RANBP2: variants seen among roughly 807,000 people sequenced by gnomAD.
RANBP2 encodes the protein E3 SUMO-protein ligase RanBP2.
RANBP2 carries 57 observed loss-of-function variants against 303.6 expected under a neutral mutation model. The ratio of observed to expected loss-of-function variants is 0.19; its 90% CI spans 0.15 to 0.23. The LOEUF is 0.23. Among genes scored for constraint, RANBP2 ranks in the 10% least tolerant of loss-of-function variants. The pLI is 1.00. For missense variants in RANBP2, 3,138 were observed against 3,780.8 expected (o/e 0.83, Z 4.46); for synonymous variants, 1,167 against 1,301.5 (o/e 0.90, Z 2.23).
At chr2:109,223,123 G>A in the RANBP2 span, among the ~76,000 whole-genome samples, 1 of 152,266 alleles carries the variant, frequency 6.6e-6, no homozygotes, top group Non-Finnish European at 1.5e-5. Flanking sequence ...GGTGGTTGGA[G>A]AGAGGTGGGA....
the RANBP2 span, among the ~76,000 whole-genome samples, chr2:109,493,457 C>T: frequency 6.6e-6 from 1 of 151,394 alleles, no homozygotes; most frequent in African/African-American, 2.4e-5. Context: ...ACACACTCCA[C>T]ATACACTATA....
chr2:109,221,903 C>T, the RANBP2 span, among the ~76,000 whole-genome samples: 2 of 152,104 alleles, frequency 1.3e-5, no homozygotes, highest in Non-Finnish European at 2.9e-5. Flanking sequence ...GATACCTGCA[C>T]CCCTGCATTT....
At chr2:109,163,556 G>A in the RANBP2 span, among the ~76,000 whole-genome samples, 278 of 150,954 alleles carry the variant, frequency 1.8e-3, no homozygotes, top group Non-Finnish European at 3.1e-3. Context: ...CCGCCACTAC[G>A]CCCGGCTAAT....
chr2:108,778,570 T>C (rs1347909426), intron 25 of RANBP2, among the ~76,000 whole-genome samples: 1 of 152,214 alleles, frequency 6.6e-6, no homozygotes, highest in South Asian at 2.1e-4. Flanking sequence ...GACCCAGATA[T>C]TGATATATTA....
At chr2:109,117,607 C>T in the RANBP2 span, among the ~76,000 whole-genome samples, 1 of 152,220 alleles carries the variant, frequency 6.6e-6, no homozygotes, top group Admixed American at 6.5e-5. Context: ...AATGCCTCGC[C>T]CTGCTTCAGC....
the RANBP2 span, among the ~76,000 whole-genome samples, chr2:109,086,625 T>TCAGCAGGTCCAGGCCCAGAC: frequency 6.6e-6 from 1 of 152,112 alleles, no homozygotes; most frequent in African/African-American, 2.4e-5. Context: ...GCAGGCTCTG[T>TCAGCAGGTCCAGGCCCAGAC]CTCAGCAGGT....
chr2:108,846,668 C>G, the RANBP2 span: 1 of 1,368,170 alleles, frequency 7.3e-7, no homozygotes, highest in Non-Finnish European at 1.0e-6. Flanking sequence ...CAGAGCAAGA[C>G]TGTGTCTCAA....
the RANBP2 span, among the ~76,000 whole-genome samples, chr2:109,646,634 G>T: frequency 1.3e-5 from 2 of 151,530 alleles, no homozygotes; most frequent in Admixed American, 1.3e-4. Context: ...TGGGATTACA[G>T]GCGACTGCCA....
chr2:109,524,474 A>AAAAG, the RANBP2 span, among the ~76,000 whole-genome samples: 1 of 142,000 alleles, frequency 7.0e-6, no homozygotes, highest in African/African-American at 2.7e-5. Context: ...AAACAAAACA[A>AAAAG]CACTGGGCGC....
chr2:108,782,261 T>G lies in RANBP2; in HGVS notation c.8894T>G (p.Met2965Arg). The G allele has an allele frequency of 6.2e-7, 1 of 1,614,124 alleles. No individual in the cohort carries two copies. The highest frequency in any genetic ancestry group is 2.2e-5 in the East Asian group (1 of 44,872). Residue 2965 changes from methionine (M) to arginine (R), a missense_variant, in exon 27 of 29, where the codon ATG becomes AGG. By Grantham distance (91) the Met-to-Arg change is moderately conservative. Around this residue, in one of 20 missense-constraint regions of RANBP2, gnomAD observed 68 missense variants for 117.4 expected, o/e 0.58. Coordinates refer to ENST00000283195, the MANE Select transcript of RANBP2 (RefSeq NM_006267.5). ...VGDIKILWHT[M>R]KNYYRILMRR... is the part of the protein sequence containing the mutation. ...GATATAAAGATTCTTTGGCATACAATGAAGAATTATTACCGGATCCTAATG... is the reference window on the plus strand; with the variant it reads ...GATATAAAGATTCTTTGGCATACAAGGAAGAATTATTACCGGATCCTAATG...
the RANBP2 span, among the ~76,000 whole-genome samples, chr2:109,606,222 C>T: frequency 2.6e-5 from 4 of 152,132 alleles, no homozygotes; most frequent in African/African-American, 9.7e-5. Context: ...TGAGACCACC[C>T]TGGCCAACAT....
At chr2:108,763,204 A>G (rs560404779) in intron 19 of RANBP2, 33 bp from the exon 20 acceptor site, 4 of 1,600,522 alleles carry the variant, frequency 2.5e-6, no homozygotes, top group African/African-American at 1.3e-5. Context: ...TTTGTAGACA[A>G]TCTACAAAAT....
chr2:109,577,522 G>A, the RANBP2 span, among the ~76,000 whole-genome samples: 3 of 151,972 alleles, frequency 2.0e-5, no homozygotes, highest in East Asian at 1.9e-4. Flanking sequence ...AGTGCAGGAG[G>A]TGGAGGTTGC....
chr2:109,387,877 C>T, the RANBP2 span, among the ~76,000 whole-genome samples: 1 of 152,130 alleles, frequency 6.6e-6, no homozygotes, highest in Non-Finnish European at 1.5e-5. Flanking sequence ...GGTCTCCTCC[C>T]CCGGCCCATC....
the RANBP2 span, among the ~76,000 whole-genome samples, chr2:109,216,765 T>G: frequency 2.0e-5 from 3 of 152,250 alleles, no homozygotes; most frequent in Non-Finnish European, 4.4e-5. Context: ...ACAAATATAT[T>G]TTTTTAAATT....
chr2:109,190,266 C>T, the RANBP2 span, among the ~76,000 whole-genome samples: 6 of 152,048 alleles, frequency 3.9e-5, no homozygotes, highest in East Asian at 3.9e-4. Context: ...CTCCGCCTCG[C>T]GGGTTCAAGT....
the RANBP2 span, chr2:109,614,416 A>T: frequency 9.2e-7 from 1 of 1,089,708 alleles, no homozygotes; most frequent in Admixed American, 4.5e-5. Context: ...CGCCGTCGGG[A>T]GCCGGCCGCT....
the RANBP2 span, among the ~76,000 whole-genome samples, chr2:109,204,746 C>T: frequency 6.6e-6 from 1 of 152,118 alleles, no homozygotes; most frequent in African/African-American, 2.4e-5. Context: ...AGAGACCAAG[C>T]CAATTATTTT....
chr2:109,565,753 T>A, the RANBP2 span: 1 of 1,608,388 alleles, frequency 6.2e-7, no homozygotes, highest in South Asian at 1.1e-5. Context: ...TCATCCTTTG[T>A]CTCATTTACC....
Sources: gnomAD v4.1 joint callset for allele counts (sites outside exome capture counted in the v4.1 genomes callset) on GRCh38, gnomAD v4.1.1 for gene constraint, gnomAD v4.1.1 regional missense constraint, MANE v1.5 for transcripts, NCBI Gene and HGNC (gene_info 2026-07-23, HGNC 2026-07-21) for gene names.